Variants in RCOR1 observed in about 807,000 individuals in gnomAD.
The protein encoded by RCOR1 is REST corepressor 1, also known as REST corepressor.
RCOR1 carries 12 observed loss-of-function variants against 64.0 expected under a neutral mutation model. The observed-to-expected ratio is 0.19, with a 90% CI of 0.12 to 0.30. The LOEUF is 0.30. Ranked by LOEUF, RCOR1 falls within the 10% of genes least tolerant of loss-of-function variation. The probability of loss-of-function intolerance (pLI) is 1.00; values close to 1 mark genes in which losing one functional copy is unlikely to be tolerated. For missense variants in RCOR1, 502 were observed against 621.2 expected, an observed-to-expected ratio of 0.81 and a Z score of 2.04; for synonymous variants, 279 against 227.2, an observed-to-expected ratio of 1.23 and a Z score of -2.05.
rs1346278408 is a variant in RCOR1 at position 102,728,144 on chromosome 14, T to C, written c.*1638T>C. 6.6e-6 allele frequency: 1 copy of C among 152,588 alleles called. No individual in the cohort carries two copies. Among genetic ancestry groups the C allele is most frequent in the African/African-American group, 2.4e-5 (1 of 41,458 alleles). The allele number at this position is 152,588 out of a possible 1,614,324, so 9.5% of individuals were successfully genotyped here. A position where few individuals can be genotyped will look rare whatever the true frequency, so the allele number is the denominator to read the frequency against. ...TTTTCTCTTTAGAAAGAGGGTCAGC[T>C]AGAAACCTAGGTTTTTTGGAATTGT... On this transcript the variant is annotated 3_prime_UTR_variant, in exon 12 of 12. Coordinates refer to ENST00000262241, the MANE Select transcript of RCOR1 (RefSeq NM_015156.4).
intron 2 of RCOR1, among the ~76,000 whole-genome samples, chr14:102,646,105 G>T (rs1382838083): frequency 2.6e-5 from 4 of 152,130 alleles, no homozygotes; most frequent in African/African-American, 4.8e-5. Context: ...AGTGTCAGTT[G>T]GCCACACTGT....
chr14:102,600,806 G>C (rs1291155720), intron 2 of RCOR1, among the ~76,000 whole-genome samples: 1 of 151,402 alleles, frequency 6.6e-6, no homozygotes, highest in Non-Finnish European at 1.5e-5. Context: ...TCCTGACCTC[G>C]TGATCTGCCC....
At chr14:102,651,929 A>G (rs1484466269) in intron 2 of RCOR1, among the ~76,000 whole-genome samples, 1 of 152,208 alleles carries the variant, frequency 6.6e-6, no homozygotes, top group Non-Finnish European at 1.5e-5. Context: ...AAGGTCTCTC[A>G]AATTGATTCT....
At chr14:102,655,478 A>C in intron 2 of RCOR1, 1 of 980,474 alleles carries the variant, frequency 1.0e-6, no homozygotes, top group South Asian at 4.7e-5. Flanking sequence ...GTATTTTCCT[A>C]TGTTTTTTAT....
intron 2 of RCOR1, among the ~76,000 whole-genome samples, chr14:102,649,166 A>G (rs976342951): frequency 5.3e-5 from 8 of 152,222 alleles, no homozygotes; most frequent in African/African-American, 1.9e-4. Flanking sequence ...GTCTCTTAAC[A>G]AACATAAATT....
intron 3 of RCOR1, among the ~76,000 whole-genome samples, chr14:102,690,697 A>G (rs1293702640): frequency 6.6e-6 from 1 of 152,182 alleles, no homozygotes; most frequent in Non-Finnish European, 1.5e-5. Context: ...TATATCAGAG[A>G]AGCCTTCTTT....
At chr14:102,668,600 G>T (rs1306522734) in intron 2 of RCOR1, among the ~76,000 whole-genome samples, 1 of 152,124 alleles carries the variant, frequency 6.6e-6, no homozygotes, top group African/African-American at 2.4e-5. Flanking sequence ...GTTCTTGCCT[G>T]CCTTTTTATT....
At chr14:102,631,352 G>A (rs1430092962) in intron 2 of RCOR1, among the ~76,000 whole-genome samples, 1 of 151,352 alleles carries the variant, frequency 6.6e-6, no homozygotes, top group African/African-American at 2.4e-5. Flanking sequence ...ACAGGCACCC[G>A]CCACCATGCC....
chr14:102,606,735 C>T (rs1294253887), intron 2 of RCOR1, among the ~76,000 whole-genome samples: 1 of 147,658 alleles, frequency 6.8e-6, no homozygotes, highest in Non-Finnish European at 1.5e-5. Context: ...TCTTGGGCAC[C>T]AGTGATCCTC....
intron 8 of RCOR1, among the ~76,000 whole-genome samples, chr14:102,715,803 G>A (rs1473685495): frequency 6.6e-6 from 1 of 152,182 alleles, no homozygotes; most frequent in African/African-American, 2.4e-5. Flanking sequence ...GAGCTAAACA[G>A]TTTTTCAAAG....
intron 2 of RCOR1, among the ~76,000 whole-genome samples, chr14:102,627,719 T>G (rs1012089110): frequency 7.9e-5 from 12 of 151,922 alleles, no homozygotes; most frequent in African/African-American, 2.9e-4. Flanking sequence ...ATTCTGATTC[T>G]GTATATTCTT....
chr14:102,658,579 TACCTACCC>T, intron 2 of RCOR1: 1 of 985,446 alleles, frequency 1.0e-6, no homozygotes, highest in African/African-American at 1.7e-5. Flanking sequence ...GATGGCTACC[TACCTACCC>T]CCCATCCTTT....
At position 102,729,762 on chromosome 14, in the gene RCOR1, G is replaced by A. The variant is rs1896333589; in HGVS notation, c.*3256G>A. Reference sequence around the variant, plus strand: ...TATCAGATGTACTATTGGTATAATTGCACACCAAAAATAAGCCAAACAGTG... The same window carrying A: ...TATCAGATGTACTATTGGTATAATTACACACCAAAAATAAGCCAAACAGTG... On this transcript the variant is annotated 3_prime_UTR_variant, in exon 12 of 12. Coordinates refer to ENST00000262241, the MANE Select transcript of RCOR1 (RefSeq NM_015156.4). The A allele has an allele frequency of 2.5e-6, 1 of 398,500 alleles. No individual in the cohort carries two copies. 24.7% of individuals were successfully genotyped at this position (398,500 alleles called of 1,614,324 possible).
At chr14:102,635,054 G>C (rs112832308) in intron 2 of RCOR1, among the ~76,000 whole-genome samples, 19,143 of 151,756 alleles carry the variant, frequency 0.13, 1,454 homozygotes, top group African/African-American at 0.21. Flanking sequence ...GGTTGGTCTT[G>C]AACTCCTGGC....
intron 7 of RCOR1, among the ~76,000 whole-genome samples, chr14:102,712,860 T>G (rs1392683065): frequency 6.6e-6 from 1 of 151,948 alleles, no homozygotes; most frequent in African/African-American, 2.4e-5. Flanking sequence ...TGGCACATTT[T>G]AAATGAGAGA....
At chr14:102,711,794 T>A (rs144737220) in intron 7 of RCOR1, among the ~76,000 whole-genome samples, 7 of 152,174 alleles carry the variant, frequency 4.6e-5, no homozygotes, top group Non-Finnish European at 1.0e-4. Context: ...ATAGACAAGG[T>A]AGGAAATACA....
In RCOR1 at chr14:102,600,188, G is replaced by A. The variant is rs556189587; in HGVS notation, c.361+6863G>A. 6.7e-4 allele frequency among the ~76,000 whole-genome samples: 101 copies of A among 151,830 alleles called. 1 individual carries two copies. Among genetic ancestry groups the A allele is most frequent in the Middle Eastern group, 6.8e-3 (2 of 294 alleles). On this transcript the variant is annotated intron_variant, in intron 2 of 11. Coordinates refer to ENST00000262241, the MANE Select transcript of RCOR1 (RefSeq NM_015156.4). ...TACAAGCTCCGCCTCCCGGGTTCAC[G>A]CCCTTCTCCTGCCTCAGCCTCTCTG...
At chr14:102,621,250 G>A (rs1440715232) in intron 2 of RCOR1, among the ~76,000 whole-genome samples, 1 of 151,612 alleles carries the variant, frequency 6.6e-6, no homozygotes, top group African/African-American at 2.4e-5. Context: ...GGGATTACAG[G>A]CACAAGCCAC....
intron 3 of RCOR1, among the ~76,000 whole-genome samples, chr14:102,685,938 G>A (rs141969416): frequency 6.6e-6 from 1 of 152,138 alleles, no homozygotes; most frequent in African/African-American, 2.4e-5. Flanking sequence ...AAAAAAACGG[G>A]GAGGCGGGGG....
Sources: allele counts gnomAD v4.1 joint callset (sites outside exome capture counted in the v4.1 genomes callset), GRCh38; gene constraint gnomAD v4.1.1; transcripts MANE v1.5; gene names NCBI Gene and HGNC (gene_info 2026-07-23, HGNC 2026-07-21).